Variants in ARHGAP26 observed in about 807,000 individuals in gnomAD.
ARHGAP26 encodes Rho GTPase activating protein 26.
In ARHGAP26, 38 loss-of-function variants were observed where a neutral mutation model predicts 104.8. The ratio of observed to expected loss-of-function variants is 0.36; its 90% CI spans 0.28 to 0.48. The LOEUF is 0.48. ARHGAP26 is among the 20% of genes least tolerant of loss of function. The pLI, the probability that ARHGAP26 is intolerant of heterozygous loss-of-function variation, is 0.99. For synonymous variants in ARHGAP26, 341 were observed against 340.0 expected (o/e 1.00, Z -0.03); for missense variants, 704 against 947.9 (o/e 0.74, Z 3.38).
chr5:143,135,872 G>T (rs1797855554), intron 19 of ARHGAP26, among the ~76,000 whole-genome samples: 1 of 152,136 alleles, frequency 6.6e-6, no homozygotes, highest in South Asian at 2.1e-4. Context: ...TAAATATCTG[G>T]CTGGGGTCAT....
rs1766086791 is a variant in ARHGAP26, at chr5:142,821,147, T to A, written c.154+50232T>A. On this transcript the variant is annotated intron_variant, in intron 1 of 22. Coordinates refer to ENST00000645722, the MANE Select transcript of ARHGAP26 (RefSeq NM_001135608.3). ...TATTTTCCTTTTATTATCCCCTATC[T>A]TTAAGGCATCTTAACTATGTTTCTG... Among the ~76,000 whole-genome samples the A allele has an allele frequency of 4.6e-5, 7 of 152,132 alleles. No individual in the cohort carries two copies. In the South Asian group the frequency reaches 1.4e-3, roughly 31 times the overall value.
rs926250658 is a variant in ARHGAP26, at chr5:142,912,927, A to G, written c.934-272A>G. ...CAAACCTGCAAATTAAAACAATGTC[A>G]ACACTCGTTTATCTACCATGGACAG... On this transcript the variant is annotated intron_variant, in intron 9 of 22. Coordinates refer to ENST00000645722, the MANE Select transcript of ARHGAP26 (RefSeq NM_001135608.3). Among the ~76,000 whole-genome samples, 6 of 152,174 alleles carry G rather than the reference A, an allele frequency of 3.9e-5. No homozygotes were observed. In the East Asian group the frequency reaches 1.2e-3, roughly 29 times the overall value.
intron 11 of ARHGAP26, among the ~76,000 whole-genome samples, chr5:142,963,377 TA>T (rs1024480815): frequency 1.2e-4 from 18 of 151,894 alleles, no homozygotes; most frequent in Non-Finnish European, 8.8e-5. Context: ...GTATACCCAG[TA>T]ATGGGATTGC....
chr5:143,065,033 C>G (rs3776329), intron 17 of ARHGAP26, among the ~76,000 whole-genome samples: 14,992 of 152,084 alleles, frequency 0.099, 2,173 homozygotes, highest in East Asian at 0.52. Flanking sequence ...TTCATCTCTT[C>G]CTTTTCTGAG....
intron 1 of ARHGAP26, 99 bp from the exon 2 acceptor site, chr5:142,873,300 CG>C (rs1755605917): frequency 6.5e-6 from 5 of 775,092 alleles, no homozygotes. Flanking sequence ...GGAACAAATC[CG>C]CCTCCTAAGA....
chr5:142,820,446 C>CA (rs1288393577), intron 1 of ARHGAP26, among the ~76,000 whole-genome samples: 2 of 138,968 alleles, frequency 1.4e-5, no homozygotes, highest in African/African-American at 3.0e-5. Context: ...CTTAAAAAAA[C>CA]AAAAAAACAA....
At chr5:143,167,012 A>C (rs767510033) in intron 20 of ARHGAP26, among the ~76,000 whole-genome samples, 10 of 152,226 alleles carry the variant, frequency 6.6e-5, no homozygotes, top group Non-Finnish European at 1.5e-4. Context: ...GGTCTGGATA[A>C]AGAACTAGCT....
chr5:142,869,495 T>C (rs987833834), intron 1 of ARHGAP26, among the ~76,000 whole-genome samples: 1 of 152,110 alleles, frequency 6.6e-6, no homozygotes, highest in Non-Finnish European at 1.5e-5. Context: ...GTAATCACTT[T>C]CTAAGTCCAA....
At chr5:143,022,985 C>A (rs72799099) in intron 12 of ARHGAP26, among the ~76,000 whole-genome samples, 2 of 152,180 alleles carry the variant, frequency 1.3e-5, no homozygotes, top group Admixed American at 1.3e-4. Context: ...ATCCCATATT[C>A]CTTCTTAGTG....
chr5:142,811,366 A>G (rs1198145948), intron 1 of ARHGAP26, among the ~76,000 whole-genome samples: 1 of 152,122 alleles, frequency 6.6e-6, no homozygotes, highest in African/African-American at 2.4e-5. Flanking sequence ...ATGCCAGGAG[A>G]TTTATTTCCC....
At chr5:142,797,153 C>T (rs1761138317) in intron 1 of ARHGAP26, among the ~76,000 whole-genome samples, 1 of 152,166 alleles carries the variant, frequency 6.6e-6, no homozygotes, top group South Asian at 2.1e-4. Context: ...AACTAAATAG[C>T]CCGGATATAC....
chr5:143,030,341 C>T (rs1022210539), intron 12 of ARHGAP26, among the ~76,000 whole-genome samples: 2 of 152,206 alleles, frequency 1.3e-5, no homozygotes, highest in East Asian at 3.8e-4. Flanking sequence ...CTCCTCTCAG[C>T]CCCAGCTTCA....
chr5:143,000,931 G>A (rs1363226008), intron 11 of ARHGAP26, among the ~76,000 whole-genome samples: 3 of 152,088 alleles, frequency 2.0e-5, no homozygotes, highest in African/African-American at 7.2e-5. Context: ...AATGCATGCA[G>A]GGCTTAAAAT....
chr5:142,869,017 C>G (rs1754818836), intron 1 of ARHGAP26: 1 of 154,078 alleles, frequency 6.5e-6, no homozygotes, highest in African/African-American at 2.4e-5. Context: ...AGAATTATTC[C>G]AAATACAAGG....
At chr5:142,967,180 TTCAGGGCAGGGAAAACAGAACGATA>T (rs1450366088) in intron 11 of ARHGAP26, among the ~76,000 whole-genome samples, 1 of 152,170 alleles carries the variant, frequency 6.6e-6, no homozygotes, top group Non-Finnish European at 1.5e-5. Context: ...GGAAGTAAGA[TTCAGGGCAGGGAAAACAGAACGATA>T]AAAATTGACC....
intron 20 of ARHGAP26, among the ~76,000 whole-genome samples, chr5:143,189,471 G>T (rs1262564845): frequency 6.6e-6 from 1 of 152,042 alleles, no homozygotes; most frequent in African/African-American, 2.4e-5. Flanking sequence ...CTTGATTTTA[G>T]TTGATTTCAT....
intron 1 of ARHGAP26, among the ~76,000 whole-genome samples, chr5:142,842,626 T>C (rs1352111793): frequency 6.6e-6 from 1 of 152,158 alleles, no homozygotes; most frequent in East Asian, 1.9e-4. Context: ...GATCTAAAAG[T>C]GCGTAGTAGT....
At chr5:143,154,864 A>T (rs577032413) in intron 20 of ARHGAP26, among the ~76,000 whole-genome samples, 24 of 151,784 alleles carry the variant, frequency 1.6e-4, no homozygotes, top group South Asian at 4.2e-4. Flanking sequence ...TTTTTTTTTT[A>T]AAAAGCAATT....
chr5:143,023,292 A>G (rs3822396), intron 12 of ARHGAP26, among the ~76,000 whole-genome samples: 8,591 of 152,262 alleles, frequency 0.056, 360 homozygotes, highest in East Asian at 0.19. Context: ...GAGGGACATC[A>G]TTACCATTGC....
Sources: allele counts gnomAD v4.1 joint callset (sites outside exome capture counted in the v4.1 genomes callset), GRCh38; gene constraint gnomAD v4.1.1; transcripts MANE v1.5; gene names NCBI Gene and HGNC (gene_info 2026-07-23, HGNC 2026-07-21).